Variants in SLC9D1 observed in about 807,000 individuals in gnomAD.
SLC9D1 encodes the protein solute carrier family 9 member D1, also known as putative LAG1-interacting protein.
the SLC9D1 span, chr13:113,510,360 G>A: frequency 6.2e-7 from 1 of 1,613,982 alleles, no homozygotes; most frequent in South Asian, 1.1e-5. Flanking sequence ...CCACGTGTCT[G>A]TCCTTGTCAA....
the SLC9D1 span, chr13:113,524,162 G>C: frequency 8.8e-6 from 4 of 456,448 alleles, no homozygotes; most frequent in African/African-American, 2.0e-5. Flanking sequence ...TGCTGTAGTT[G>C]TATCAGTTGT....
At chr13:113,491,573 C>T in the SLC9D1 span, among the ~76,000 whole-genome samples, 2 of 151,912 alleles carry the variant, frequency 1.3e-5, no homozygotes, top group Admixed American at 1.3e-4. Context: ...CGGGGCTCCC[C>T]TTTTCTTGCA....
At chr13:113,536,015 G>A in the SLC9D1 span, among the ~76,000 whole-genome samples, 5 of 152,234 alleles carry the variant, frequency 3.3e-5, no homozygotes, top group African/African-American at 9.6e-5. Context: ...TACCATTGGG[G>A]AAACTAAAGG....
chr13:113,501,572 C>G, the SLC9D1 span, among the ~76,000 whole-genome samples: 4 of 152,212 alleles, frequency 2.6e-5, no homozygotes, highest in African/African-American at 7.2e-5. Context: ...AGAATACACT[C>G]TTCATATTTT....
At chr13:113,529,214 A>G in the SLC9D1 span, 3 of 152,248 alleles carry the variant, frequency 2.0e-5, no homozygotes, top group South Asian at 2.1e-4. Context: ...AAATTGTTCT[A>G]ATTCAGTCAT....
the SLC9D1 span, chr13:113,510,250 T>G: frequency 6.2e-7 from 1 of 1,614,106 alleles, no homozygotes; most frequent in African/African-American, 1.3e-5. Context: ...GTGGAAGATT[T>G]CCTTACAAGG....
the SLC9D1 span, chr13:113,534,437 G>A: frequency 3.4e-6 from 2 of 593,342 alleles, no homozygotes; most frequent in Non-Finnish European, 5.9e-6. Context: ...CGTTTAACTG[G>A]TTTGACTCAT....
the SLC9D1 span, among the ~76,000 whole-genome samples, chr13:113,497,678 C>T: frequency 2.0e-5 from 3 of 152,228 alleles, no homozygotes; most frequent in Non-Finnish European, 4.4e-5. Flanking sequence ...AGACCTGCAG[C>T]TCTTTGTCAG....
At chr13:113,493,412 A>G in the SLC9D1 span, among the ~76,000 whole-genome samples, 3 of 152,200 alleles carry the variant, frequency 2.0e-5, no homozygotes, top group Admixed American at 1.3e-4. Flanking sequence ...TCACTTGTGA[A>G]GTAGCTGTTG....
chr13:113,547,581 G>A, the SLC9D1 span, among the ~76,000 whole-genome samples: 10 of 152,322 alleles, frequency 6.6e-5, no homozygotes, highest in Non-Finnish European at 1.2e-4. Flanking sequence ...CCATGTGATC[G>A]ATTGTTTCAG....
At chr13:113,547,464 C>A in the SLC9D1 span, 2 of 1,140,490 alleles carry the variant, frequency 1.8e-6, no homozygotes, top group Non-Finnish European at 2.6e-6. Flanking sequence ...GTGGGGCCCA[C>A]ATCGGGCCTG....
chr13:113,537,442 G>C, the SLC9D1 span, among the ~76,000 whole-genome samples: 2 of 152,204 alleles, frequency 1.3e-5, no homozygotes, highest in African/African-American at 4.8e-5. Context: ...CGTCCTCCAG[G>C]CCTGGCCGCG....
the SLC9D1 span, among the ~76,000 whole-genome samples, chr13:113,512,473 G>T: frequency 9.1e-4 from 120 of 131,636 alleles, no homozygotes; most frequent in African/African-American, 3.3e-3. Context: ...GAGTGTAGAT[G>T]GAGGGGGTTG....
chr13:113,541,135 G>A, the SLC9D1 span, among the ~76,000 whole-genome samples: 2 of 152,216 alleles, frequency 1.3e-5, no homozygotes, highest in Non-Finnish European at 2.9e-5. Flanking sequence ...TTGGAGTCAG[G>A]TGGCCTCCGG....
At chr13:113,517,390 G>T in the SLC9D1 span, among the ~76,000 whole-genome samples, 2 of 151,684 alleles carry the variant, frequency 1.3e-5, no homozygotes, top group African/African-American at 2.4e-5. Context: ...CCGCCACCAC[G>T]CCCGGCTAAT....
the SLC9D1 span, chr13:113,520,546 A>G: frequency 2.8e-6 from 3 of 1,078,052 alleles, no homozygotes; most frequent in Non-Finnish European, 1.4e-6. Context: ...AGTGTGTACA[A>G]TGGCAATATT....
the SLC9D1 span, chr13:113,530,166 C>T: frequency 2.6e-5 from 4 of 152,136 alleles, no homozygotes; most frequent in Non-Finnish European, 5.9e-5. Context: ...TAGGCCAGTC[C>T]GTACAGACAG....
At chr13:113,492,918 A>G in the SLC9D1 span, among the ~76,000 whole-genome samples, 1 of 152,186 alleles carries the variant, frequency 6.6e-6, no homozygotes, top group Non-Finnish European at 1.5e-5. Context: ...CAACAACAAA[A>G]AAAACACATT....
the SLC9D1 span, chr13:113,547,472 C>G: frequency 9.6e-7 from 1 of 1,038,444 alleles, no homozygotes; most frequent in Non-Finnish European, 1.5e-6. Flanking sequence ...CACATCGGGC[C>G]TGCAGAGCCG....
Sources: allele counts gnomAD v4.1 joint callset (sites outside exome capture counted in the v4.1 genomes callset), GRCh38; gene constraint gnomAD v4.1.1; transcripts MANE v1.5; gene names NCBI Gene and HGNC (gene_info 2026-07-23, HGNC 2026-07-21).